Variants in ENOSF1 observed in about 807,000 individuals in gnomAD.
ENOSF1 encodes mitochondrial enolase superfamily member 1.
A neutral mutation model predicts 68.2 loss-of-function variants in ENOSF1; 73 were observed. That is an observed-to-expected ratio of 1.07 (90% confidence interval 0.89 to 1.30). ENOSF1 has a LOEUF of 1.30. ENOSF1 is among the 50% of genes most tolerant of loss of function. The pLI is 0.00. For missense variants in ENOSF1, 589 were observed against 554.5 expected (o/e 1.06, Z -0.62); for synonymous variants, 223 against 210.4 (o/e 1.06, Z -0.52).
chr18:667,499 AGATGGT>A (rs1408203595), downstream of ENOSF1, among the ~76,000 whole-genome samples: 15 of 10,184 alleles, frequency 1.5e-3, 6 homozygotes, highest in Admixed American at 2.0e-3. Flanking sequence ...ATGGTGATGG[AGATGGT>A]GATGGTGATG....
intron 9 of ENOSF1, chr18:686,989 C>T (rs1440851170): frequency 6.6e-6 from 1 of 152,220 alleles, no homozygotes; most frequent in African/African-American, 2.4e-5. Flanking sequence ...TAAATCTCCC[C>T]ACAGCCTTCT....
chr18:675,698 T>C (rs2075427484), intron 14 of ENOSF1: 1 of 282,504 alleles, frequency 3.5e-6, no homozygotes, highest in East Asian at 6.3e-5. Context: ...TCCAGAATTA[T>C]TTGGGTTCCT....
At chr18:693,940 A>C (rs565248240) in intron 4 of ENOSF1, 32 bp from the exon 5 acceptor site, 11 of 1,612,248 alleles carry the variant, frequency 6.8e-6, no homozygotes, top group African/African-American at 4.0e-5. Flanking sequence ...TTTGTAAGAC[A>C]TATGTGTAAA....
chr18:680,032 G>C (rs1356814772), intron 11 of ENOSF1, among the ~76,000 whole-genome samples: 1 of 152,190 alleles, frequency 6.6e-6, no homozygotes, highest in Non-Finnish European at 1.5e-5. Flanking sequence ...ACTGTTCCTG[G>C]ATCACAAAGC....
chr18:698,708 C>A (rs1473864119), intron 2 of ENOSF1, among the ~76,000 whole-genome samples: 4 of 152,084 alleles, frequency 2.6e-5, no homozygotes, highest in African/African-American at 9.7e-5. Flanking sequence ...GCAATCTCTG[C>A]GTCCTGGGCT....
intron 2 of ENOSF1, among the ~76,000 whole-genome samples, chr18:702,217 T>C (rs2981292): frequency 0.34 from 46,716 of 137,418 alleles, 7,968 homozygotes; most frequent in Middle Eastern, 0.4. Context: ...TGAGCAGAGA[T>C]TGTGCTACTG....
At chr18:693,668 G>T (rs191453023) in intron 5 of ENOSF1, 3 of 985,372 alleles carry the variant, frequency 3.0e-6, no homozygotes, top group Admixed American at 6.1e-5. Flanking sequence ...CCCCCTCACT[G>T]CTTCCCCTCA....
intron 2 of ENOSF1, among the ~76,000 whole-genome samples, chr18:701,529 T>C (rs993155495): frequency 6.7e-6 from 1 of 149,446 alleles, no homozygotes; most frequent in Non-Finnish European, 1.5e-5. Context: ...TCAAGGCGGG[T>C]GGATCACCTG....
At chr18:693,026 C>A in intron 5 of ENOSF1, 1 of 1,251,832 alleles carries the variant, frequency 8.0e-7, no homozygotes, top group Non-Finnish European at 1.0e-6. Context: ...CTGAGGCCAC[C>A]GCAGCTCAGA....
At chr18:674,911 A>G (rs939497446) in intron 15 of ENOSF1, among the ~76,000 whole-genome samples, 2 of 152,200 alleles carry the variant, frequency 1.3e-5, no homozygotes, top group Non-Finnish European at 2.9e-5. Context: ...GAGTTAGTTA[A>G]CTCATCAAAC....
Position 689,898 on chromosome 18 carries a change from C to T in ENOSF1, c.618+651G>A, listed in dbSNP as rs186747299. ...GCCTATTCCCAGATAGCTGGGGAGG[C>T]GAGGGGGCTGAAGGCTGAATTGATG... On this transcript the variant is annotated intron_variant, in intron 8 of 15. Coordinates refer to ENST00000647584, the MANE Select transcript of ENOSF1 (RefSeq NM_017512.7). Among the ~76,000 whole-genome samples the T allele has an allele frequency of 5.2e-4, 79 of 150,840 alleles. 2 individuals carry two copies. Among genetic ancestry groups the T allele is most frequent in the African/African-American group, 1.9e-3 (76 of 40,238 alleles).
At chr18:695,949 C>A (rs2077665953) in intron 3 of ENOSF1, among the ~76,000 whole-genome samples, 1 of 152,100 alleles carries the variant, frequency 6.6e-6, no homozygotes. Context: ...TTCTCTTGTG[C>A]CCTTCTCAGT....
In ENOSF1 at chr18:673,029, C is replaced by A; in HGVS notation, c.*1276G>T. 3 of 1,518,972 alleles carry A rather than the reference C, an allele frequency of 2.0e-6. No homozygotes were observed. Among genetic ancestry groups the A allele is most frequent in the South Asian group, 2.6e-5 (2 of 76,404 alleles). The allele number at this position is 1,518,972 out of a possible 1,614,324, so 94.1% of individuals were successfully genotyped here. ...TTCAAAGGAGCTCGAAGGATATTGTCAGTCTTTAGGGGTTGGGCTGGATGC... is the reference window on the plus strand; with the variant it reads ...TTCAAAGGAGCTCGAAGGATATTGTAAGTCTTTAGGGGTTGGGCTGGATGC... On this transcript the variant is annotated 3_prime_UTR_variant, in exon 16 of 16. Coordinates refer to ENST00000647584, the MANE Select transcript of ENOSF1 (RefSeq NM_017512.7).
rs749521070 is a variant in ENOSF1 at position 683,400 on chromosome 18, A to C, written c.742-20T>G. The C allele has an allele frequency of 6.2e-7, 1 of 1,613,854 alleles. No individual in the cohort carries two copies. The highest frequency in any genetic ancestry group is 2.2e-5 in the East Asian group (1 of 44,820). On this transcript the variant is annotated intron_variant, in intron 10 of 15. Coordinates refer to ENST00000647584, the MANE Select transcript of ENOSF1 (RefSeq NM_017512.7). Reference sequence around the variant, plus strand: ...CATCATCTGCAAAAAGAGACTCTTCACAGGGAGGTCAGCCCTGAGCCAACC... The same window carrying C: ...CATCATCTGCAAAAAGAGACTCTTCCCAGGGAGGTCAGCCCTGAGCCAACC...
downstream of ENOSF1, among the ~76,000 whole-genome samples, chr18:667,282 ATGGTGATGGAGATGGT>A (rs2074862554): frequency 2.1e-4 from 5 of 23,496 alleles, 1 homozygote; most frequent in Admixed American, 3.6e-4. Flanking sequence ...TGGTGATGGG[ATGGTGATGGAGATGGT>A]GATGGTGATG....
In ENOSF1 at chr18:677,771, TGA is replaced by T; in HGVS notation, c.1018_1019del (p.Val341IlefsTer8). 1.2e-6 allele frequency: 2 copies of T among 1,614,104 alleles called. No homozygotes were observed. The highest frequency in any genetic ancestry group is 2.2e-5 in the South Asian group (2 of 91,058). On this transcript the variant is annotated frameshift_variant, in exon 13 of 16. Transcript: ENST00000647584. LOFTEE classifies it high-confidence loss of function. ...CRLGSVNENL[S>X]VLLMAKKFEI... ...CAAACTTTTTGGCCATCAGCAATAC[TGA>T]GAGGTTCTCATTGACACTGCCCAGT...
chr18:683,498 T>G, intron 10 of ENOSF1, 118 bp from the exon 11 acceptor site: 3 of 1,216,172 alleles, frequency 2.5e-6, no homozygotes, highest in Non-Finnish European at 3.5e-6. Context: ...TGAGACCCCC[T>G]AACGCCTCTG....
At position 673,620 on chromosome 18, in the gene ENOSF1, A is replaced by T; in HGVS notation, c.*685T>A. ...GTTTGGATGCTACTTAAAAGAGTATATTTTAGAAATAATAGTGAATATATT... is the reference window on the plus strand; with the variant it reads ...GTTTGGATGCTACTTAAAAGAGTATTTTTTAGAAATAATAGTGAATATATT... On this transcript the variant is annotated 3_prime_UTR_variant, in exon 16 of 16. Coordinates refer to ENST00000647584, the MANE Select transcript of ENOSF1 (RefSeq NM_017512.7). The T allele has an allele frequency of 5.7e-6, 1 of 175,014 alleles. No homozygotes were observed. Among genetic ancestry groups the T allele is most frequent in the Non-Finnish European group, 1.2e-5 (1 of 81,814 alleles). The allele number at this position is 175,014 out of a possible 1,614,324, so 10.8% of individuals were successfully genotyped here.
downstream of ENOSF1, chr18:667,696 T>TATG (rs1434899531): frequency 6.6e-6 from 1 of 152,166 alleles, no homozygotes; most frequent in Non-Finnish European, 1.5e-5. Context: ...AGTTTAATAT[T>TATG]ATGTGTACTT....
Sources: gnomAD v4.1 joint callset for allele counts (sites outside exome capture counted in the v4.1 genomes callset) on GRCh38, gnomAD v4.1.1 for gene constraint, MANE v1.5 for transcripts, NCBI Gene and HGNC (gene_info 2026-07-23, HGNC 2026-07-21) for gene names.